Variants in GRID2 observed in about 807,000 individuals in gnomAD.
The protein encoded by GRID2 is glutamate receptor ionotropic, delta-2.
A neutral mutation model predicts 114.8 loss-of-function variants in GRID2; 33 were observed. That is an observed-to-expected ratio of 0.29 (90% CI 0.22 to 0.38). The LOEUF (loss-of-function observed/expected upper bound fraction) is 0.38, where lower values mean the gene tolerates loss of function less well. Ranked by LOEUF, GRID2 falls within the 10% of genes least tolerant of loss-of-function variation. The pLI is 1.00. For synonymous variants in GRID2, 505 were observed against 449.9 expected (o/e 1.12, Z -1.55); for missense variants, 1,184 against 1,257.7 (o/e 0.94, Z 0.89).
intron 1 of GRID2, among the ~76,000 whole-genome samples, chr4:92,374,505 T>C (rs559939914): frequency 7.9e-5 from 12 of 152,202 alleles, no homozygotes; most frequent in African/African-American, 2.6e-4. Context: ...CTGACCACCT[T>C]GGGCATATGT....
intron 2 of GRID2, among the ~76,000 whole-genome samples, chr4:92,683,945 T>TA (rs1733776227): frequency 6.6e-6 from 1 of 151,922 alleles, no homozygotes; most frequent in South Asian, 2.1e-4. Flanking sequence ...TATCTCTCTT[T>TA]AAAAAATGAT....
rs1048656160 is a variant in GRID2 at position 93,222,149 on chromosome 4, G to A, written c.964-2465G>A. On this transcript the variant is annotated intron_variant, in intron 6 of 15. Transcript: ENST00000282020. ...GCTAAGTCTTAGAGAAATAAATTAC[G>A]GGGAAAAATGGAAGAGAAAAGATGT... 3.9e-5 allele frequency among the ~76,000 whole-genome samples: 6 copies of A among 152,008 alleles called. No individual in the cohort carries two copies. The East Asian group carries it at 5.8e-4, about 15-fold the overall frequency.
At chr4:93,120,819 G>C (rs1482957714) in intron 4 of GRID2, among the ~76,000 whole-genome samples, 1 of 152,076 alleles carries the variant, frequency 6.6e-6, no homozygotes, top group African/African-American at 2.4e-5. Flanking sequence ...CGGGCATGGT[G>C]GCGGGCACCT....
intron 4 of GRID2, among the ~76,000 whole-genome samples, chr4:93,157,775 G>A (rs370637727): frequency 6.6e-5 from 10 of 151,474 alleles, no homozygotes; most frequent in Non-Finnish European, 4.4e-5. Flanking sequence ...ATGCTCTCTC[G>A]CTACACCAGA....
chr4:92,945,711 A>T (rs1751573507), intron 2 of GRID2, among the ~76,000 whole-genome samples: 2 of 152,138 alleles, frequency 1.3e-5, no homozygotes, highest in South Asian at 4.1e-4. Flanking sequence ...TTGTTTTGAA[A>T]GTGGGAAGTT....
chr4:92,445,054 G>C (rs1267583773), intron 1 of GRID2, among the ~76,000 whole-genome samples: 2 of 152,130 alleles, frequency 1.3e-5, no homozygotes, highest in Admixed American at 1.3e-4. Flanking sequence ...AGCGAGTCAT[G>C]ATCACTCATC....
chr4:93,471,906 G>T (rs1452809574), intron 11 of GRID2, among the ~76,000 whole-genome samples: 1 of 149,078 alleles, frequency 6.7e-6, no homozygotes, highest in African/African-American at 2.5e-5. Flanking sequence ...CCCCATGTTG[G>T]TCAGGCTGGT....
At chr4:93,480,398 G>A (rs1220552183) in intron 11 of GRID2, among the ~76,000 whole-genome samples, 2 of 152,024 alleles carry the variant, frequency 1.3e-5, no homozygotes, top group Non-Finnish European at 2.9e-5. Context: ...CAGCAATTGA[G>A]GCTAGATTTC....
At chr4:93,423,172 T>A (rs1224008503) in intron 10 of GRID2, among the ~76,000 whole-genome samples, 1 of 152,056 alleles carries the variant, frequency 6.6e-6, no homozygotes, top group Non-Finnish European at 1.5e-5. Flanking sequence ...GAAAAGTAGT[T>A]GACAAAATAA....
At chr4:92,616,173 A>G (rs1156520980) in intron 2 of GRID2, among the ~76,000 whole-genome samples, 2 of 151,626 alleles carry the variant, frequency 1.3e-5, no homozygotes, top group Non-Finnish European at 3.0e-5. Context: ...TCTGCTAGCA[A>G]TAGATTCTCT....
At chr4:93,476,328 A>G (rs1484686255) in intron 11 of GRID2, among the ~76,000 whole-genome samples, 4 of 152,160 alleles carry the variant, frequency 2.6e-5, no homozygotes, top group Non-Finnish European at 5.9e-5. Flanking sequence ...AAACACAGGG[A>G]TGATATATAA....
At chr4:92,540,369 T>A (rs577441684) in intron 1 of GRID2, among the ~76,000 whole-genome samples, 109 of 152,086 alleles carry the variant, frequency 7.2e-4, no homozygotes, top group African/African-American at 2.1e-3. Context: ...AACCTACAGA[T>A]TGGGAGAAAA....
intron 8 of GRID2, among the ~76,000 whole-genome samples, chr4:93,342,061 A>T (rs1759714969): frequency 6.6e-6 from 1 of 152,016 alleles, no homozygotes; most frequent in Non-Finnish European, 1.5e-5. Flanking sequence ...CCCCTCTATA[A>T]TCCATCTCTG....
intron 2 of GRID2, among the ~76,000 whole-genome samples, chr4:93,035,265 G>T (rs1361200230): frequency 6.6e-6 from 1 of 151,808 alleles, no homozygotes; most frequent in Non-Finnish European, 1.5e-5. Flanking sequence ...ACTACCACGA[G>T]CATGCCTGGC....
chr4:93,073,023 G>A (rs945342558), intron 2 of GRID2, among the ~76,000 whole-genome samples: 1 of 152,198 alleles, frequency 6.6e-6, no homozygotes, highest in African/African-American at 2.4e-5. Context: ...AATGTTGCAA[G>A]TAACATAGTG....
In GRID2 at chr4:93,007,006, T is replaced by A. The variant is rs574429209; in HGVS notation, c.245-77989T>A. Among the ~76,000 whole-genome samples the A allele has an allele frequency of 1.1e-4, 16 of 151,286 alleles. 1 individual carries two copies. The highest frequency in any genetic ancestry group is 3.9e-4 in the African/African-American group (16 of 41,218). On this transcript the variant is annotated intron_variant, in intron 2 of 15. Transcript: ENST00000282020. The stretch of plus-strand genomic sequence containing the variant: ...ATTAAAAAATTATATTTCTAATCAG[T>A]GAAACAAAAAATAGCAATGGAGAAA...
At chr4:93,320,544 G>A (rs1476313505) in intron 8 of GRID2, among the ~76,000 whole-genome samples, 1 of 151,940 alleles carries the variant, frequency 6.6e-6, no homozygotes, top group Non-Finnish European at 1.5e-5. Context: ...CAAGGTTGAG[G>A]TCCACTAGTG....
At chr4:92,885,308 C>G (rs994205427) in intron 2 of GRID2, among the ~76,000 whole-genome samples, 1 of 152,154 alleles carries the variant, frequency 6.6e-6, no homozygotes, top group African/African-American at 2.4e-5. Flanking sequence ...CAGAGCTAAG[C>G]CTGGGGGTGT....
At chr4:92,965,507 A>AAG (rs1753101654) in intron 2 of GRID2, among the ~76,000 whole-genome samples, 1 of 146,078 alleles carries the variant, frequency 6.8e-6, no homozygotes. Context: ...CATCTGGGAA[A>AAG]TGCAACAAAG....
Sources: allele counts gnomAD v4.1 joint callset (sites outside exome capture counted in the v4.1 genomes callset), GRCh38; gene constraint gnomAD v4.1.1; transcripts MANE v1.5; gene names NCBI Gene and HGNC (gene_info 2026-07-23, HGNC 2026-07-21).